Variants in CFHR2 observed in about 807,000 individuals in gnomAD.
CFHR2 encodes complement factor H-related protein 2.
In CFHR2, 22 loss-of-function variants were observed where a neutral mutation model predicts 21.7. That is an observed-to-expected ratio of 1.01 (90% CI 0.72 to 1.45). The LOEUF is 1.45. Ranked by LOEUF, CFHR2 falls within the 40% of genes most tolerant of loss-of-function variation. The pLI, the probability that CFHR2 is intolerant of heterozygous loss-of-function variation, is 0.00. For missense variants in CFHR2, 294 were observed against 293.3 expected (o/e 1.00, Z -0.02); for synonymous variants, 98 against 97.4 (o/e 1.01, Z -0.04).
intron 4 of CFHR2, 73 bp from the exon 5 acceptor site, chr1:196,958,808 C>T: frequency 1.0e-6 from 1 of 955,108 alleles, no homozygotes; most frequent in Non-Finnish European, 1.6e-6. Context: ...ATATAACATT[C>T]TACTTGAAAA....
intron 3 of CFHR2, among the ~76,000 whole-genome samples, chr1:196,956,342 T>G (rs1652879005): frequency 6.6e-6 from 1 of 152,232 alleles, no homozygotes; most frequent in Non-Finnish European, 1.5e-5. Flanking sequence ...AGATGTATAT[T>G]TTTTCAAGTT....
chr1:196,949,411 T>C lies in CFHR2; in HGVS notation c.59-44T>C, dbSNP rs773015955. On this transcript the variant is annotated intron_variant, in intron 1 of 4. Transcript: ENST00000367415. ...AAAATATAGTCTAGTGATTTATTTATGTAGCTTATTATGTAATTCTTCAGT... is the reference window on the plus strand; with the variant it reads ...AAAATATAGTCTAGTGATTTATTTACGTAGCTTATTATGTAATTCTTCAGT... The C allele has an allele frequency of 9.1e-6, 14 of 1,536,238 alleles. No homozygotes were observed. In the South Asian group the frequency reaches 1.4e-4, roughly 15 times the overall value.
Position 196,957,943 on chromosome 1 carries a change from T to C in CFHR2, c.483T>C (p.Thr161=). 6.2e-7 allele frequency: 1 copy of C among 1,613,752 alleles called. No individual in the cohort carries two copies. Among genetic ancestry groups the C allele is most frequent in the African/African-American group, 1.3e-5 (1 of 75,038 alleles). Residue 161 remains threonine, a synonymous_variant, in exon 4 of 5, where the codon ACT becomes ACC. Transcript: ENST00000367415. ...CACCTATTGACAATGGAGACATTAC[T>C]TCATTCCTGTTGTCAGTATATGCTC... ...PPPPIDNGDI[T]SFLLSVYAPG...
chr1:196,944,806 A>G (rs1659413969), intron 1 of CFHR2, among the ~76,000 whole-genome samples: 1 of 151,658 alleles, frequency 6.6e-6, no homozygotes, highest in Non-Finnish European at 1.5e-5. Context: ...ACAGAACAAC[A>G]TGAACAATAA....
chr1:196,950,617 G>C (rs1217791155), intron 2 of CFHR2, among the ~76,000 whole-genome samples: 2 of 152,054 alleles, frequency 1.3e-5, no homozygotes, highest in Non-Finnish European at 2.9e-5. Flanking sequence ...GGAATTACAA[G>C]TGCACACCAC....
At chr1:196,953,873 T>C (rs1280564259) in intron 3 of CFHR2, among the ~76,000 whole-genome samples, 1 of 152,228 alleles carries the variant, frequency 6.6e-6, no homozygotes, top group African/African-American at 2.4e-5. Context: ...TTATTTACTT[T>C]GTCTTGAATG....
At chr1:196,952,408 C>CA (rs111351264) in intron 3 of CFHR2, among the ~76,000 whole-genome samples, 51,499 of 150,630 alleles carry the variant, frequency 0.34, 9,634 homozygotes, top group African/African-American at 0.5. Context: ...TTGCAAAAAA[C>CA]AAAAAAAAAG....
At position 196,959,369 on chromosome 1, in the gene CFHR2, T is replaced by C. The variant is rs951754093; in HGVS notation, c.*289T>C. The stretch of plus-strand genomic sequence containing the variant: ...CATAGTAATGTTTCCATATATATAA[T>C]GTATAATGGTCAGTTAGGGTAATTA... On this transcript the variant is annotated 3_prime_UTR_variant, in exon 5 of 5. Transcript: ENST00000367415. The C allele has an allele frequency of 2.2e-5, 6 of 275,004 alleles. No homozygotes were observed. Among genetic ancestry groups the C allele is most frequent in the African/African-American group, 1.3e-4 (6 of 44,742 alleles). 17.0% of individuals were successfully genotyped at this position (275,004 alleles called of 1,614,324 possible). A position where few individuals can be genotyped will look rare whatever the true frequency, so the allele number is the denominator to read the frequency against.
chr1:196,946,750 T>C (rs972832546), intron 1 of CFHR2, among the ~76,000 whole-genome samples: 5 of 152,210 alleles, frequency 3.3e-5, no homozygotes, highest in African/African-American at 1.2e-4. Context: ...TCCTGAAGGA[T>C]CTGCCTCAGG....
chr1:196,958,859 G>T lies in CFHR2; in HGVS notation c.614-22G>T, dbSNP rs201905571. 1.8e-5 allele frequency: 27 copies of T among 1,467,954 alleles called. No homozygotes were observed. The African/African-American group carries it at 3.1e-4, about 17-fold the overall frequency. 90.9% of individuals were successfully genotyped at this position (1,467,954 alleles called of 1,614,324 possible). ...ATTTGCATACTACTTAATGTTTTAT[G>T]TTCATTTTTTTCTACTTTCAGATCC... On this transcript the variant is annotated intron_variant, in intron 4 of 4. Transcript: ENST00000367415.
intron 1 of CFHR2, among the ~76,000 whole-genome samples, chr1:196,946,088 C>T (rs548922227): frequency 4.6e-5 from 7 of 152,122 alleles, no homozygotes; most frequent in East Asian, 1.9e-4. Context: ...ATATTAAAAA[C>T]GGCAGACTTG....
chr1:196,945,078 G>T (rs1238964308), intron 1 of CFHR2, among the ~76,000 whole-genome samples: 3 of 145,004 alleles, frequency 2.1e-5, no homozygotes, highest in Non-Finnish European at 4.6e-5. Flanking sequence ...GTTTCTCCAT[G>T]TTGGTCAGGC....
At chr1:196,958,419 A>T (rs535335589) in intron 4 of CFHR2, among the ~76,000 whole-genome samples, 247 of 149,656 alleles carry the variant, frequency 1.7e-3, no homozygotes, top group African/African-American at 5.6e-3. Flanking sequence ...TGTGTGTGAG[A>T]GAGAGAGAGA....
intron 1 of CFHR2, 155 bp from the exon 2 acceptor site, chr1:196,949,300 C>A (rs928424997): frequency 3.0e-6 from 2 of 677,332 alleles, no homozygotes; most frequent in Non-Finnish European, 2.5e-6. Context: ...TTAGTGATGT[C>A]TTTTCATTCC....
At chr1:196,946,695 G>A (rs1163091115) in intron 1 of CFHR2, among the ~76,000 whole-genome samples, 1 of 152,174 alleles carries the variant, frequency 6.6e-6, no homozygotes, top group African/African-American at 2.4e-5. Context: ...TAACAGGCAT[G>A]GAGCTGTCCT....
In CFHR2 at chr1:196,944,821, C is replaced by T. The variant is rs1036966824; in HGVS notation, c.58+883C>T. 1.0e-4 allele frequency among the ~76,000 whole-genome samples: 15 copies of T among 149,958 alleles called. 1 individual carries two copies. Among genetic ancestry groups the T allele is most frequent in the African/African-American group, 3.7e-4 (15 of 40,798 alleles). ...ACAGAACAACATGAACAATAACATG[C>T]TTTCCTTTAAATATTTGCCCTTAGA... is the stretch of plus-strand genomic sequence containing the variant. On this transcript the variant is annotated intron_variant, in intron 1 of 4. Coordinates refer to ENST00000367415, the MANE Select transcript of CFHR2 (RefSeq NM_005666.4).
chr1:196,949,754 G>A (rs1659657208), intron 2 of CFHR2, 105 bp downstream of exon 2: 4 of 1,436,416 alleles, frequency 2.8e-6, no homozygotes, highest in Middle Eastern at 1.7e-4. Context: ...AGTGACCAGA[G>A]GAGCTGGAAA....
At chr1:196,949,377 G>A in intron 1 of CFHR2, 78 bp from the exon 2 acceptor site, 11 of 1,379,110 alleles carry the variant, frequency 8.0e-6, no homozygotes, top group Non-Finnish European at 1.1e-5. Flanking sequence ...AAAACTAAAT[G>A]AGATGATTAA....
intron 1 of CFHR2, among the ~76,000 whole-genome samples, chr1:196,948,801 A>G (rs562055932): frequency 6.6e-6 from 1 of 152,178 alleles, no homozygotes; most frequent in Non-Finnish European, 1.5e-5. Context: ...GTATAAATAT[A>G]TAAATACAAA....
Sources: gnomAD v4.1 joint callset for allele counts (sites outside exome capture counted in the v4.1 genomes callset) on GRCh38, gnomAD v4.1.1 for gene constraint, MANE v1.5 for transcripts, NCBI Gene and HGNC (gene_info 2026-07-23, HGNC 2026-07-21) for gene names.